Variants in TEX38 observed in about 807,000 individuals in gnomAD.
The protein encoded by TEX38 is testis-expressed protein 38.
In TEX38, 5 loss-of-function variants were observed where a neutral mutation model predicts 2.7. The ratio of observed to expected loss-of-function variants is 1.86; its 90% CI spans 0.97 to 3.90. TEX38 has a LOEUF of 3.90. Among genes scored for constraint, TEX38 ranks in the 30% most tolerant of loss-of-function variants. TEX38 has a pLI of 0.00. For missense variants in TEX38, 218 were observed against 247.9 expected (o/e 0.88, Z 0.81); for synonymous variants, 110 against 103.3 (o/e 1.06, Z -0.39).
chr1:46,669,316 G>GAT (rs1470353058), upstream of TEX38: 1 of 432,434 alleles, frequency 2.3e-6, no homozygotes, highest in Non-Finnish European at 4.7e-6. Flanking sequence ...TGCTCATGGA[G>GAT]ATCAGCCCTG....
rs1400521869 is a variant in TEX38, at chr1:46,673,302, C to T, written c.467C>T (p.Ala156Val). The T allele has an allele frequency of 2.6e-6, 4 of 1,551,604 alleles. No homozygotes were observed. The highest frequency in any genetic ancestry group is 2.0e-5 in the Admixed American group (1 of 50,990). The change falls in exon 2 of 2, where the codon GCC (alanine) becomes GTC (valine). Residue 156 changes from alanine to valine, a missense_variant. By Grantham distance (64) the Ala-to-Val change is moderately conservative. Coordinates refer to ENST00000334122, the MANE Select transcript of TEX38 (RefSeq NM_001145474.4). ...PLPIFQEVPF[A>V]PPLCNLPPLL... Reference sequence around the variant, plus strand: ...CCCATCTTTCAGGAGGTGCCCTTTGCCCCACCCTTGTGCAACCTACCCCCC... The same window carrying T: ...CCCATCTTTCAGGAGGTGCCCTTTGTCCCACCCTTGTGCAACCTACCCCCC...
chr1:46,669,467 C>T (rs1404867790), upstream of TEX38: 2 of 456,088 alleles, frequency 4.4e-6, no homozygotes, highest in Non-Finnish European at 4.4e-6. Flanking sequence ...CATCTAAGGG[C>T]TCAGTTCACA....
upstream of TEX38, chr1:46,669,407 C>G: frequency 2.2e-6 from 1 of 456,134 alleles, no homozygotes; most frequent in East Asian, 6.9e-5. Context: ...GGCTCACACT[C>G]CTAACACTTG....
At chr1:46,671,118 T>G (rs968145619), upstream of TEX38, among the ~76,000 whole-genome samples, 4 of 151,764 alleles carry the variant, frequency 2.6e-5, no homozygotes, top group African/African-American at 9.7e-5. Context: ...TGTCACAGAG[T>G]AGGGGGGCTG....
rs1028309848 is a variant in TEX38, at chr1:46,673,134, A to G, written c.299A>G (p.Asp100Gly). Reference protein sequence around the residue: ...TKTETEVQNPDVLWDLDIPEG... With the variant: ...TKTETEVQNPGVLWDLDIPEG... ...ACTGAGACTGAGGTCCAGAATCCAG[A>G]TGTTCTGTGGGATTTGGACATCCCC... Residue 100 changes from aspartate to glycine, a missense_variant, in exon 2 of 2, where the codon GAT (aspartate) becomes GGT (glycine). Transcript: ENST00000334122. 2 of 1,551,642 alleles carry G rather than the reference A, an allele frequency of 1.3e-6. No homozygotes were observed. The highest frequency in any genetic ancestry group is 2.0e-5 in the Admixed American group (1 of 50,992).
upstream of TEX38, chr1:46,671,818 G>A: frequency 9.5e-7 from 1 of 1,052,192 alleles, no homozygotes; most frequent in Non-Finnish European, 1.4e-6. Flanking sequence ...AGAGAACAAA[G>A]GGCCTGGGCA....
At position 46,673,264 on chromosome 1, in the gene TEX38, C is replaced by G. The variant is rs1038104626; in HGVS notation, c.429C>G (p.Ser143=). ...QLAPQQPQAR[S]PFPLPIFQEV... is the part of the protein sequence containing the mutation. ...CTCCACAGCAGCCCCAGGCCAGATCCCCATTCCCACTTCCCATCTTTCAGG... is the reference window on the plus strand; with the variant it reads ...CTCCACAGCAGCCCCAGGCCAGATCGCCATTCCCACTTCCCATCTTTCAGG... Residue 143 remains serine (S), a synonymous_variant, in exon 2 of 2, where the codon TCC becomes TCG. Coordinates refer to ENST00000334122, the MANE Select transcript of TEX38 (RefSeq NM_001145474.4). The G allele has an allele frequency of 2.6e-6, 4 of 1,551,544 alleles. No individual in the cohort carries two copies. Among genetic ancestry groups the G allele is most frequent in the Non-Finnish European group, 2.6e-6 (3 of 1,146,940 alleles).
In TEX38 at chr1:46,672,879, T is replaced by G; in HGVS notation, c.44T>G (p.Val15Gly). 6.5e-7 allele frequency: 1 copy of G among 1,549,858 alleles called. No individual in the cohort carries two copies. Among genetic ancestry groups the G allele is most frequent in the Non-Finnish European group, 8.7e-7 (1 of 1,145,696 alleles). Reference sequence around the variant, plus strand: ...TTCTTTCTTGCTGCCTTAGTGTGGGTCTCATTGTACTTTGGAATCCTGGGG... The same window carrying G: ...TTCTTTCTTGCTGCCTTAGTGTGGGGCTCATTGTACTTTGGAATCCTGGGG... The part of the protein sequence containing the change: ...QEDLRFPGMW[V>G]SLYFGILGLC... Residue 15 changes from valine (V) to glycine (G), a missense_variant, in exon 2 of 2, where the codon GTC becomes GGC. Transcript: ENST00000334122.
At chr1:46,672,246 CTTTT>C (rs199795962) in intron 1 of TEX38, among the ~76,000 whole-genome samples, 1 of 141,472 alleles carries the variant, frequency 7.1e-6, no homozygotes, top group Non-Finnish European at 1.6e-5. Context: ...TGAACTTTCA[CTTTT>C]TTTTTTTTTT....
chr1:46,672,219 G>A (rs1676594731), intron 1 of TEX38, among the ~76,000 whole-genome samples: 1 of 151,880 alleles, frequency 6.6e-6, no homozygotes, highest in Non-Finnish European at 1.5e-5. Flanking sequence ...TGGGACATTG[G>A]TGTCTCTGTC....
At chr1:46,672,069 C>A (rs1676591804) in intron 1 of TEX38, 98 bp downstream of exon 1, 1 of 1,262,042 alleles carries the variant, frequency 7.9e-7, no homozygotes, top group Non-Finnish European at 1.1e-6. Context: ...CAGTGCCTGG[C>A]TGCCTGGAGG....
chr1:46,671,374 T>C (rs1676579167), upstream of TEX38, among the ~76,000 whole-genome samples: 1 of 152,148 alleles, frequency 6.6e-6, no homozygotes, highest in African/African-American at 2.4e-5. Flanking sequence ...TGTCAGCACT[T>C]GAAGGAAGGT....
Position 46,673,324 on chromosome 1 carries a change from C to A in TEX38, c.489C>A (p.Pro163=). The stretch of plus-strand genomic sequence containing the variant: ...TTGCCCCACCCTTGTGCAACCTACC[C>A]CCCCTGCTGAACCACTCTGTCTCCT... ...VPFAPPLCNL[P]PLLNHSVSYP... is the part of the protein sequence containing the mutation. The change falls in exon 2 of 2, where the codon CCC becomes CCA. Residue 163 remains proline (P), a synonymous_variant. Transcript: ENST00000334122. 6.4e-7 allele frequency: 1 copy of A among 1,551,822 alleles called. No individual in the cohort carries two copies.
upstream of TEX38, among the ~76,000 whole-genome samples, chr1:46,671,203 C>CA (rs953311879): frequency 1.3e-5 from 2 of 152,246 alleles, no homozygotes; most frequent in African/African-American, 4.8e-5. Context: ...GAAGGAGCAG[C>CA]ATGGGCACAC....
At position 46,671,888 on chromosome 1, in the gene TEX38, A is replaced by G. The variant is rs1033387821; in HGVS notation, c.-47A>G. On this transcript the variant is annotated 5_prime_UTR_variant, in exon 1 of 2. An upstream open reading frame in the 5' UTR loses its in-frame stop. Coordinates refer to ENST00000334122, the MANE Select transcript of TEX38 (RefSeq NM_001145474.4). ...GACTGGCTGGGCAGATGGGTGGGTGAGTTCCCTCTCCCCAGAGCCATCGGC... is the reference window on the plus strand; with the variant it reads ...GACTGGCTGGGCAGATGGGTGGGTGGGTTCCCTCTCCCCAGAGCCATCGGC... 3.9e-6 allele frequency: 6 copies of G among 1,547,256 alleles called. No homozygotes were observed. Among genetic ancestry groups the G allele is most frequent in the Non-Finnish European group, 5.2e-6 (6 of 1,143,060 alleles).
rs1268901536 is a variant in TEX38 at position 46,673,205 on chromosome 1, G to GCCCCTGCT, written c.378_385dup (p.Gln129LeufsTer41). 1.9e-6 allele frequency: 3 copies of GCCCCTGCT among 1,550,590 alleles called. No homozygotes were observed. Among genetic ancestry groups the GCCCCTGCT allele is most frequent in the Non-Finnish European group, 2.6e-6 (3 of 1,146,350 alleles). On this transcript the variant is annotated frameshift_variant, in exon 2 of 2. Transcript: ENST00000334122. LOFTEE classifies it low-confidence loss of function (END_TRUNC). The stretch of plus-strand genomic sequence containing the variant: ...CCAAGACAGCAACCCCAAGGCGGAA[G>GCCCCTGCT]CCCCTGCTCCCCTGCAACCTGCACT...
chr1:46,671,609 T>G (rs1676583238), upstream of TEX38, among the ~76,000 whole-genome samples: 1 of 152,214 alleles, frequency 6.6e-6, no homozygotes, highest in Non-Finnish European at 1.5e-5. Flanking sequence ...GGCCCTTTTC[T>G]GGGGTCTGCT....
upstream of TEX38, chr1:46,669,316 G>A (rs1676550144): frequency 5.1e-5 from 22 of 432,434 alleles, no homozygotes; most frequent in South Asian, 3.6e-4. Context: ...TGCTCATGGA[G>A]ATCAGCCCTG....
At position 46,672,891 on chromosome 1, in the gene TEX38, T is replaced by G. The variant is rs750909784; in HGVS notation, c.56T>G (p.Phe19Cys). ...RFPGMWVSLYFGILGLCSVIT... is the reference protein window; with the variant it reads ...RFPGMWVSLYCGILGLCSVIT... Reference sequence around the variant, plus strand: ...GCCTTAGTGTGGGTCTCATTGTACTTTGGAATCCTGGGGCTGTGTTCTGTG... The same window carrying G: ...GCCTTAGTGTGGGTCTCATTGTACTGTGGAATCCTGGGGCTGTGTTCTGTG... Residue 19 changes from phenylalanine to cysteine, a missense_variant, in exon 2 of 2, where the codon TTT becomes TGT. By Grantham distance (205) the Phe-to-Cys change is radical (BLOSUM62 -2). Transcript: ENST00000334122. 2 of 1,551,164 alleles carry G rather than the reference T, an allele frequency of 1.3e-6. No individual in the cohort carries two copies. Among genetic ancestry groups the G allele is most frequent in the Non-Finnish European group, 8.7e-7 (1 of 1,146,752 alleles).
Sources: gnomAD v4.1 joint callset for allele counts (sites outside exome capture counted in the v4.1 genomes callset) on GRCh38, gnomAD v4.1.1 for gene constraint, MANE v1.5 for transcripts, NCBI Gene and HGNC (gene_info 2026-07-23, HGNC 2026-07-21) for gene names.